The following PRORP variants were observed in gnomAD, a reference collection of about 807,000 sequenced individuals.
The protein encoded by PRORP is protein only RNase P catalytic subunit.
In PRORP, 51 loss-of-function variants were observed where a neutral mutation model predicts 59.4. The observed-to-expected ratio is 0.86, with a 90% CI of 0.69 to 1.08. The LOEUF is 1.08. PRORP is among the 50% of genes least tolerant of loss of function. The pLI, the probability that PRORP is intolerant of heterozygous loss-of-function variation, is 0.00. For synonymous variants in PRORP, 231 were observed against 245.6 expected (o/e 0.94, Z 0.55); for missense variants, 646 against 690.3 (o/e 0.94, Z 0.72).
chr14:35,196,772 A>C (rs2049019715), intron 5 of PRORP, among the ~76,000 whole-genome samples: 1 of 152,014 alleles, frequency 6.6e-6, no homozygotes, highest in African/African-American at 2.4e-5. Flanking sequence ...GTCATGTATC[A>C]CTTCACCCAC....
At chr14:35,176,669 C>A (rs1407097722) in intron 4 of PRORP, among the ~76,000 whole-genome samples, 2 of 152,158 alleles carry the variant, frequency 1.3e-5, no homozygotes, top group East Asian at 3.8e-4. Context: ...TCTAAATATA[C>A]GATCATGTCA....
At chr14:35,176,415 G>A (rs1054836252) in intron 4 of PRORP, among the ~76,000 whole-genome samples, 11 of 151,996 alleles carry the variant, frequency 7.2e-5, no homozygotes, top group African/African-American at 2.4e-4. Context: ...TTTTTATTTC[G>A]TTGAGCAGTG....
intron 4 of PRORP, among the ~76,000 whole-genome samples, chr14:35,143,700 T>C (rs1333022660): frequency 6.9e-6 from 1 of 145,176 alleles, no homozygotes; most frequent in African/African-American, 2.4e-5. Flanking sequence ...TAGGCTGGAG[T>C]GCAATGGCGC....
chr14:35,134,434 G>A (rs920534470), intron 4 of PRORP, among the ~76,000 whole-genome samples: 23 of 152,242 alleles, frequency 1.5e-4, no homozygotes, highest in Non-Finnish European at 2.8e-4. Context: ...TCTCACTCAA[G>A]GCCCATGATG....
intron 5 of PRORP, among the ~76,000 whole-genome samples, chr14:35,201,718 G>A (rs1026196935): frequency 2.0e-5 from 3 of 149,804 alleles, no homozygotes; most frequent in African/African-American, 7.4e-5. Flanking sequence ...TCTTGCAGTG[G>A]TGCGATCTTG....
At chr14:35,148,206 C>T (rs1405045307) in intron 4 of PRORP, among the ~76,000 whole-genome samples, 1 of 152,230 alleles carries the variant, frequency 6.6e-6, no homozygotes, top group Non-Finnish European at 1.5e-5. Flanking sequence ...CCAAATCCTT[C>T]AGAGCAATCA....
chr14:35,175,739 G>A, intron 4 of PRORP, among the ~76,000 whole-genome samples: 2 of 152,098 alleles, frequency 1.3e-5, no homozygotes, highest in Admixed American at 1.3e-4. Context: ...AAGCTCTTGA[G>A]TTTAATTAGA....
Position 35,276,602 on chromosome 14 carries a change from T to G in PRORP, c.*3036T>G, listed in dbSNP as rs549314604. On this transcript the variant is annotated 3_prime_UTR_variant, in exon 8 of 8. Coordinates refer to ENST00000534898, the MANE Select transcript of PRORP (RefSeq NM_014672.4). Reference sequence around the variant, plus strand: ...AAGGAAGCAGCTGGTACCAGACACTTAGGCTGCCCATTTGTGTTCTGATCA... The same window carrying G: ...AAGGAAGCAGCTGGTACCAGACACTGAGGCTGCCCATTTGTGTTCTGATCA... 2 of 151,892 alleles carry G rather than the reference T, an allele frequency of 1.3e-5. No homozygotes were observed. Among genetic ancestry groups the G allele is most frequent in the East Asian group, 3.9e-4 (2 of 5,156 alleles). The allele number at this position is 151,892 out of a possible 1,614,324, so 9.4% of individuals were successfully genotyped here.
chr14:35,194,633 G>A (rs1439901220), intron 5 of PRORP, among the ~76,000 whole-genome samples: 1 of 152,106 alleles, frequency 6.6e-6, no homozygotes, highest in Non-Finnish European at 1.5e-5. Flanking sequence ...GTATACCTAT[G>A]TAACAAACCT....
chr14:35,207,071 C>A (rs923973800), intron 5 of PRORP, among the ~76,000 whole-genome samples: 1 of 152,018 alleles, frequency 6.6e-6, no homozygotes, highest in Non-Finnish European at 1.5e-5. Flanking sequence ...TTAAATTTTT[C>A]TTCCCAAGGT....
At chr14:35,172,283 A>G (rs2048328851) in intron 4 of PRORP, among the ~76,000 whole-genome samples, 1 of 151,926 alleles carries the variant, frequency 6.6e-6, no homozygotes, top group African/African-American at 2.4e-5. Flanking sequence ...TCCTGACCTC[A>G]GGTGAGGCAC....
At chr14:35,271,263 AT>A (rs2051182051) in intron 7 of PRORP, among the ~76,000 whole-genome samples, 1 of 146,296 alleles carries the variant, frequency 6.8e-6, no homozygotes, top group East Asian at 2.1e-4. Flanking sequence ...GGTTCAAGCG[AT>A]CCTCCTGCCT....
At chr14:35,253,790 G>A (rs924241398) in intron 5 of PRORP, among the ~76,000 whole-genome samples, 6 of 151,934 alleles carry the variant, frequency 3.9e-5, no homozygotes, top group African/African-American at 1.5e-4. Context: ...AGAGACCACT[G>A]TCTCCTGGGT....
At chr14:35,216,360 A>G (rs2049594806) in intron 5 of PRORP, among the ~76,000 whole-genome samples, 1 of 150,670 alleles carries the variant, frequency 6.6e-6, no homozygotes, top group South Asian at 2.1e-4. Context: ...CCCAGGCTGG[A>G]ATAGAGTGGC....
chr14:35,147,161 G>A (rs2047631582), intron 4 of PRORP, among the ~76,000 whole-genome samples: 3 of 152,054 alleles, frequency 2.0e-5, no homozygotes, highest in Admixed American at 6.6e-5. Flanking sequence ...ATAGCATTAT[G>A]TCTAAAAAAA....
intron 5 of PRORP, among the ~76,000 whole-genome samples, chr14:35,210,307 T>C (rs2049405646): frequency 1.3e-5 from 2 of 152,246 alleles, no homozygotes; most frequent in African/African-American, 4.8e-5. Flanking sequence ...ATATTCTTCC[T>C]TTCTCCACTA....
intron 5 of PRORP, among the ~76,000 whole-genome samples, chr14:35,218,485 A>AAC (rs1348565728): frequency 7.5e-6 from 1 of 133,110 alleles, no homozygotes; most frequent in Non-Finnish European, 1.6e-5. Flanking sequence ...AAAAAAAAAA[A>AAC]CCAACAACAA....
intron 6 of PRORP, among the ~76,000 whole-genome samples, chr14:35,267,804 G>T (rs926105176): frequency 5.9e-5 from 9 of 151,794 alleles, no homozygotes; most frequent in Admixed American, 3.9e-4. Flanking sequence ...GCCCAAAGGA[G>T]CCCTGAGGCA....
intron 5 of PRORP, among the ~76,000 whole-genome samples, chr14:35,252,953 C>T (rs2050650120): frequency 6.6e-6 from 1 of 152,138 alleles, no homozygotes; most frequent in Non-Finnish European, 1.5e-5. Flanking sequence ...TTTCTGTGCC[C>T]ATATCTTCAG....
Sources: gnomAD v4.1 joint callset for allele counts (sites outside exome capture counted in the v4.1 genomes callset) on GRCh38, gnomAD v4.1.1 for gene constraint, MANE v1.5 for transcripts, NCBI Gene and HGNC (gene_info 2026-07-23, HGNC 2026-07-21) for gene names.